Variants in FAM135A observed in about 807,000 individuals in gnomAD.
The protein encoded by FAM135A is protein FAM135A.
In FAM135A, 79 loss-of-function variants were observed where a neutral mutation model predicts 146.8. That is an observed-to-expected ratio of 0.54 (90% CI 0.45 to 0.65). The LOEUF is 0.65. FAM135A is among the 30% of genes least tolerant of loss of function. The pLI is 0.00. For missense variants in FAM135A, 1,623 were observed against 1,758.2 expected (o/e 0.92, Z 1.38); for synonymous variants, 562 against 603.6 (o/e 0.93, Z 1.01).
intron 18 of FAM135A, chr6:70,535,990 A>G (rs1796716895): frequency 1.5e-5 from 4 of 268,494 alleles, no homozygotes; most frequent in Admixed American, 5.3e-5. Context: ...ACGTACTTAT[A>G]TCTAAGCAGT....
At chr6:70,415,042 TA>T (rs1487272493) in intron 1 of FAM135A, among the ~76,000 whole-genome samples, 4 of 152,236 alleles carry the variant, frequency 2.6e-5, no homozygotes, top group Non-Finnish European at 5.9e-5. Context: ...CTCTGTTCTC[TA>T]ATAAATGCAT....
chr6:70,505,608 A>G (rs1561932635), intron 12 of FAM135A, among the ~76,000 whole-genome samples: 1 of 152,054 alleles, frequency 6.6e-6, no homozygotes, highest in African/African-American at 2.4e-5. Context: ...TAAATTTATA[A>G]TCAAGTAGTT....
chr6:70,529,100 A>C (rs149417628), intron 16 of FAM135A, among the ~76,000 whole-genome samples: 1 of 151,172 alleles, frequency 6.6e-6, no homozygotes, highest in African/African-American at 2.4e-5. Flanking sequence ...TCTCCCTTTG[A>C]TAGTCTTTCT....
chr6:70,459,194 A>C (rs1004545757), intron 5 of FAM135A, among the ~76,000 whole-genome samples: 11 of 151,958 alleles, frequency 7.2e-5, no homozygotes, highest in African/African-American at 2.7e-4. Context: ...TTTGATTCGT[A>C]CTTTCATCTT....
intron 20 of FAM135A, among the ~76,000 whole-genome samples, chr6:70,547,829 A>G (rs900988519): frequency 1.7e-4 from 26 of 152,202 alleles, no homozygotes; most frequent in African/African-American, 6.3e-4. Flanking sequence ...CTTGGTAAAA[A>G]GTAACAACAT....
rs1010290159 is a variant in FAM135A, at chr6:70,520,594, GT to G, written c.1030-1910del. On this transcript the variant is annotated intron_variant, in intron 12 of 21. Transcript: ENST00000418814. ...TTGAATAAGTGATGTTGCCAAATAA[GT>G]TTTTTTTTAATTGGGCACACAAAAT... is the stretch of plus-strand genomic sequence containing the variant. 2.0e-5 allele frequency among the ~76,000 whole-genome samples: 3 copies of G among 151,394 alleles called. No individual in the cohort carries two copies. In the East Asian group the frequency reaches 5.8e-4, roughly 29 times the overall value.
intron 20 of FAM135A, among the ~76,000 whole-genome samples, chr6:70,546,556 A>C (rs1798902482): frequency 6.6e-6 from 1 of 152,230 alleles, no homozygotes; most frequent in Non-Finnish European, 1.5e-5. Context: ...TAAAATGAAG[A>C]AAGCTTTTTA....
At chr6:70,445,851 G>T (rs910808743) in intron 4 of FAM135A, among the ~76,000 whole-genome samples, 2 of 152,104 alleles carry the variant, frequency 1.3e-5, no homozygotes, top group Non-Finnish European at 2.9e-5. Flanking sequence ...ATTCGGGGCG[G>T]GGGGGGCTGT....
rs992390179 is a variant in FAM135A at position 70,413,795 on chromosome 6, G to A, written c.-220+93G>A. The A allele has an allele frequency of 2.3e-5, 23 of 985,048 alleles. No homozygotes were observed. The South Asian group carries it at 3.3e-4, about 14-fold the overall frequency. 61.0% of individuals were successfully genotyped at this position (985,048 alleles called of 1,614,324 possible). A position where few individuals can be genotyped will look rare whatever the true frequency, so the allele number is the denominator to read the frequency against. Reference sequence around the variant, plus strand: ...CTTGCCCAGGGGCCAGGAAGGAAGCGGCCTCCTCTTCGTCCGCCGTTCGCC... The same window carrying A: ...CTTGCCCAGGGGCCAGGAAGGAAGCAGCCTCCTCTTCGTCCGCCGTTCGCC... On this transcript the variant is annotated intron_variant, in intron 1 of 21. Transcript: ENST00000418814.
intron 13 of FAM135A, 36 bp downstream of exon 13, chr6:70,522,622 C>G (rs1369265822): frequency 6.6e-7 from 1 of 1,508,192 alleles, no homozygotes; most frequent in Admixed American, 1.7e-5. Context: ...AATGATATTA[C>G]TTCCTTTTAC....
At chr6:70,533,729 T>C (rs1796265903) in intron 17 of FAM135A, 28 bp from the exon 18 acceptor site, 1 of 1,316,986 alleles carries the variant, frequency 7.6e-7, no homozygotes. Context: ...TTCCCAAATA[T>C]AATGTATGTG....
intron 10 of FAM135A, chr6:70,486,146 G>C: frequency 6.2e-7 from 1 of 1,609,664 alleles, no homozygotes; most frequent in Non-Finnish European, 8.5e-7. Context: ...AACTAGTGCT[G>C]TGTGCAATCC....
chr6:70,501,090 G>T (rs961162030), intron 11 of FAM135A, among the ~76,000 whole-genome samples: 10 of 152,214 alleles, frequency 6.6e-5, no homozygotes, highest in African/African-American at 2.2e-4. Flanking sequence ...TGCTGAAGCT[G>T]CACCCACAGC....
chr6:70,446,684 G>A (rs111758658), intron 4 of FAM135A, among the ~76,000 whole-genome samples: 60 of 152,158 alleles, frequency 3.9e-4, no homozygotes, highest in African/African-American at 1.3e-3. Context: ...CATTATTACC[G>A]GCCAAGATTG....
At chr6:70,496,290 C>A (rs939361332) in intron 11 of FAM135A, among the ~76,000 whole-genome samples, 2 of 152,110 alleles carry the variant, frequency 1.3e-5, no homozygotes, top group African/African-American at 4.8e-5. Flanking sequence ...TGTTTGTTGG[C>A]CACATAAATG....
At chr6:70,417,357 G>T (rs1219695238) in intron 2 of FAM135A, among the ~76,000 whole-genome samples, 1 of 150,448 alleles carries the variant, frequency 6.6e-6, no homozygotes, top group Non-Finnish European at 1.5e-5. Context: ...GGAATTACAT[G>T]CCCAGGCCAC....
chr6:70,551,119 G>T (rs1008957074), intron 20 of FAM135A, among the ~76,000 whole-genome samples: 1 of 152,174 alleles, frequency 6.6e-6, no homozygotes, highest in Non-Finnish European at 1.5e-5. Flanking sequence ...AACCTTCTCC[G>T]CATCAGCAAT....
chr6:70,464,432 T>C (rs1562467432), intron 5 of FAM135A, among the ~76,000 whole-genome samples: 1 of 152,142 alleles, frequency 6.6e-6, no homozygotes. Flanking sequence ...AGTCCTAAAT[T>C]AAAGCAGTGA....
intron 5 of FAM135A, among the ~76,000 whole-genome samples, chr6:70,457,257 A>C (rs964967567): frequency 6.6e-6 from 1 of 152,194 alleles, no homozygotes; most frequent in African/African-American, 2.4e-5. Flanking sequence ...GTGACTATTT[A>C]CTGCAGCAAC....
Sources: allele counts gnomAD v4.1 joint callset (sites outside exome capture counted in the v4.1 genomes callset), GRCh38; gene constraint gnomAD v4.1.1; transcripts MANE v1.5; gene names NCBI Gene and HGNC (gene_info 2026-07-23, HGNC 2026-07-21).